The following COL22A1 variants were observed in gnomAD, a reference collection of about 807,000 sequenced individuals.
COL22A1 encodes collagen type XXII alpha 1 chain.
COL22A1 carries 221 observed loss-of-function variants against 248.9 expected under a neutral mutation model. That is an observed-to-expected ratio of 0.89 (90% CI 0.80 to 0.99). The LOEUF (loss-of-function observed/expected upper bound fraction) is 0.99, where lower values mean the gene tolerates loss of function less well. Ranked by LOEUF, COL22A1 falls within the 50% of genes least tolerant of loss-of-function variation. The pLI, the probability that COL22A1 is intolerant of heterozygous loss-of-function variation, is 0.00. For missense variants in COL22A1, 2,240 were observed against 2,179.0 expected, an observed-to-expected ratio of 1.03 and a Z score of -0.56; for synonymous variants, 891 against 793.4, an observed-to-expected ratio of 1.12 and a Z score of -2.07.
chr8:138,879,857 C>CAAAACAAAACAAAACA (rs1355737552), intron 2 of COL22A1, among the ~76,000 whole-genome samples: 1 of 149,008 alleles, frequency 6.7e-6, no homozygotes, highest in Admixed American at 6.6e-5. Context: ...CAAAACAAAA[C>CAAAACAAAACAAAACA]AAAAAAACAC....
At chr8:138,900,848 A>G (rs1049468072) in intron 1 of COL22A1, among the ~76,000 whole-genome samples, 4 of 152,238 alleles carry the variant, frequency 2.6e-5, no homozygotes, top group African/African-American at 9.6e-5. Flanking sequence ...GAGAAAGTAA[A>G]CAAAGTAACA....
intron 52 of COL22A1, among the ~76,000 whole-genome samples, chr8:138,623,175 A>G (rs1190919935): frequency 1.3e-5 from 2 of 151,642 alleles, no homozygotes. Flanking sequence ...GACATTAAAC[A>G]AAACCAAAAC....
intron 45 of COL22A1, among the ~76,000 whole-genome samples, chr8:138,650,276 C>T (rs1356474499): frequency 6.6e-6 from 1 of 152,236 alleles, no homozygotes; most frequent in African/African-American, 2.4e-5. Context: ...AACAGGCACA[C>T]ACCCTTGGGA....
intron 10 of COL22A1, among the ~76,000 whole-genome samples, chr8:138,807,289 C>T (rs1173652056): frequency 1.3e-5 from 2 of 152,160 alleles, no homozygotes; most frequent in Non-Finnish European, 2.9e-5. Flanking sequence ...CAGTATAACC[C>T]TGGGAAGTGA....
At chr8:138,773,199 C>T (rs1834534876) in intron 16 of COL22A1, among the ~76,000 whole-genome samples, 1 of 152,202 alleles carries the variant, frequency 6.6e-6, no homozygotes, top group Non-Finnish European at 1.5e-5. Context: ...AGGAGCGGAA[C>T]CACCACAGGC....
chr8:138,842,587 G>A (rs1820965613), intron 4 of COL22A1, among the ~76,000 whole-genome samples: 1 of 152,180 alleles, frequency 6.6e-6, no homozygotes, highest in South Asian at 2.1e-4. Flanking sequence ...GCAAAAAGTG[G>A]GAATGTTGAA....
chr8:138,677,021 T>C (rs760848943), intron 40 of COL22A1, among the ~76,000 whole-genome samples: 1 of 152,182 alleles, frequency 6.6e-6, no homozygotes, highest in Non-Finnish European at 1.5e-5. Flanking sequence ...TCAATTTAGA[T>C]CCCAAATCAC....
In COL22A1 at chr8:138,620,520, G is replaced by A. The variant is rs190386561; in HGVS notation, c.3772-1012C>T. ...CTTAAAGTGCCATTTCCTTTCTCCG[G>A]ATCTCTGGATCTGTAAATTTGGGAC... On this transcript the variant is annotated intron_variant, in intron 52 of 64. Transcript: ENST00000303045. 1.6e-4 allele frequency: 24 copies of A among 152,298 alleles called. 1 individual carries two copies. The highest frequency in any genetic ancestry group is 9.1e-4 in the Admixed American group (14 of 15,302). 9.4% of individuals were successfully genotyped at this position (152,298 alleles called of 1,614,324 possible).
At chr8:138,738,074 T>C (rs958798708) in intron 22 of COL22A1, among the ~76,000 whole-genome samples, 4 of 152,186 alleles carry the variant, frequency 2.6e-5, no homozygotes, top group African/African-American at 9.7e-5. Context: ...TTTGTTTCCA[T>C]TTAATTTATC....
chr8:138,785,562 G>A (rs567854743), intron 12 of COL22A1, among the ~76,000 whole-genome samples: 3 of 152,182 alleles, frequency 2.0e-5, no homozygotes, highest in Non-Finnish European at 2.9e-5. Context: ...GCACGCCCTC[G>A]AATGACCAGT....
chr8:138,863,226 G>A (rs1254987619), intron 3 of COL22A1, among the ~76,000 whole-genome samples: 1 of 152,182 alleles, frequency 6.6e-6, no homozygotes, highest in South Asian at 2.1e-4. Context: ...AAAACCTTGT[G>A]GACCATGGAG....
chr8:138,751,502 C>A lies in COL22A1; in HGVS notation c.2041G>T (p.Gly681Cys). ...GGAGGTCCATCCCTGCCTTCTGGGC[C>A]TATTGGACCCTTTAGGAGGGAGAAA... ...PGPPGARGPI[G>C]PEGRDGPPGL... The change falls in exon 22 of 65, where the codon GGC becomes TGC. Residue 681 changes from glycine to cysteine, a missense_variant. Coordinates refer to ENST00000303045, the MANE Select transcript of COL22A1 (RefSeq NM_152888.3). The A allele has an allele frequency of 6.2e-7, 1 of 1,611,274 alleles. No homozygotes were observed. The highest frequency in any genetic ancestry group is 1.1e-5 in the South Asian group (1 of 90,710).
Position 138,591,502 on chromosome 8 carries a change from C to A in COL22A1, c.4616-1G>T. 1.3e-6 allele frequency: 2 copies of A among 1,538,268 alleles called. No individual in the cohort carries two copies. The highest frequency in any genetic ancestry group is 1.8e-6 in the Non-Finnish European group (2 of 1,139,596). On this transcript the variant is annotated splice_acceptor_variant, in intron 63 of 64. Coordinates refer to ENST00000303045, the MANE Select transcript of COL22A1 (RefSeq NM_152888.3). LOFTEE classifies it high-confidence loss of function. ...GGGTCACCTTTGGCTCCTCGCTCAC[C>A]TGGGAAGAAAAACATGCACTTTTGA...
At chr8:138,691,184 C>A (rs144762015) in intron 35 of COL22A1, among the ~76,000 whole-genome samples, 1 of 152,272 alleles carries the variant, frequency 6.6e-6, no homozygotes, top group African/African-American at 2.4e-5. Context: ...TGGGACCTAA[C>A]CACAGAAGAG....
chr8:138,598,194 A>G (rs559974236), intron 61 of COL22A1, among the ~76,000 whole-genome samples: 1 of 152,324 alleles, frequency 6.6e-6, no homozygotes, highest in East Asian at 1.9e-4. Flanking sequence ...AGAAAAAACC[A>G]TCATCACTCT....
intron 53 of COL22A1, among the ~76,000 whole-genome samples, chr8:138,617,406 T>A (rs888241872): frequency 7.9e-5 from 12 of 152,246 alleles, no homozygotes; most frequent in Non-Finnish European, 1.8e-4. Context: ...CCATTGCTGG[T>A]CCTACCAACA....
intron 5 of COL22A1, among the ~76,000 whole-genome samples, chr8:138,830,568 G>A (rs1467614551): frequency 6.6e-6 from 1 of 152,174 alleles, no homozygotes; most frequent in African/African-American, 2.4e-5. Flanking sequence ...GCAACTCTCA[G>A]AGAACAGGAA....
chr8:138,789,097 G>A (rs188762307), intron 12 of COL22A1, among the ~76,000 whole-genome samples: 1 of 152,158 alleles, frequency 6.6e-6, no homozygotes, highest in Non-Finnish European at 1.5e-5. Context: ...TTTTGTGACT[G>A]GTCCATTAGA....
chr8:138,908,951 A>T (rs1019455282), intron 1 of COL22A1, among the ~76,000 whole-genome samples: 3 of 152,148 alleles, frequency 2.0e-5, no homozygotes, highest in Non-Finnish European at 2.9e-5. Context: ...GCCCCTGGAG[A>T]TGGGCAAGAA....
Sources: gnomAD v4.1 joint callset for allele counts (sites outside exome capture counted in the v4.1 genomes callset) on GRCh38, gnomAD v4.1.1 for gene constraint, MANE v1.5 for transcripts, NCBI Gene and HGNC (gene_info 2026-07-23, HGNC 2026-07-21) for gene names.